The following CKMT2 variants were observed in gnomAD, a reference collection of about 807,000 sequenced individuals.
CKMT2 encodes the protein creatine kinase, mitochondrial 2.
Under a neutral mutation model 48.9 loss-of-function variants are expected in CKMT2, and 43 were observed. The observed-to-expected ratio is 0.88, with a 90% confidence interval of 0.69 to 1.13. CKMT2 has a LOEUF of 1.13. Among genes scored for constraint, CKMT2 ranks in the 50% most tolerant of loss-of-function variants. The pLI, the probability that CKMT2 is intolerant of heterozygous loss-of-function variation, is 0.00. For synonymous variants in CKMT2, 206 were observed against 213.0 expected (o/e 0.97, Z 0.29); for missense variants, 472 against 555.4 (o/e 0.85, Z 1.51).
intron 8 of CKMT2, among the ~76,000 whole-genome samples, chr5:81,261,373 G>C (rs757576537): frequency 9.9e-5 from 15 of 152,198 alleles, no homozygotes; most frequent in Non-Finnish European, 2.1e-4. Context: ...GCAAGAGAAA[G>C]AAAGAAAGGG....
At position 81,258,971 on chromosome 5, in the gene CKMT2, T is replaced by G. The variant is rs149573920; in HGVS notation, c.880-149T>G. On this transcript the variant is annotated intron_variant, in intron 7 of 9. Transcript: ENST00000254035. ...TTTTAATAGTCTGGTAGGAGAGGTA[T>G]TATTTTCTCTTAAAGGAGTACTATA... 4.6e-4 allele frequency: 323 copies of G among 696,392 alleles called. 3 individuals are homozygous for G. In the African/African-American group the frequency reaches 5.1e-3, roughly 11 times the overall value. 43.1% of individuals were successfully genotyped at this position (696,392 alleles called of 1,614,324 possible).
chr5:81,238,485 A>G (rs1756323334), intron 1 of CKMT2: 1 of 152,220 alleles, frequency 6.6e-6, no homozygotes, highest in Non-Finnish European at 1.5e-5. Flanking sequence ...CTAACAGCCC[A>G]CAGACCACAC....
intron 9 of CKMT2, 56 bp downstream of exon 9, chr5:81,263,672 T>C (rs896865298): frequency 3.9e-6 from 6 of 1,524,292 alleles, no homozygotes; most frequent in East Asian, 4.9e-5. Flanking sequence ...TAAGAGAGAA[T>C]AGAGAAAAGC....
At chr5:81,264,079 C>G (rs527479380) in intron 9 of CKMT2, among the ~76,000 whole-genome samples, 1 of 152,264 alleles carries the variant, frequency 6.6e-6, no homozygotes, top group African/African-American at 2.4e-5. Flanking sequence ...TCGATGGTTT[C>G]TAAACTTTTA....
rs753159700 is a variant in CKMT2, at chr5:81,263,609, G to A, written c.1133G>A (p.Arg378Gln). The A allele has an allele frequency of 9.9e-6, 16 of 1,610,710 alleles. No individual in the cohort carries two copies. Among genetic ancestry groups the A allele is most frequent in the Non-Finnish European group, 1.4e-5 (16 of 1,177,958 alleles). Residue 378 changes from arginine (R) to glutamine (Q), a missense_variant, in exon 9 of 10, where the codon CGA becomes CAA. By Grantham distance (43) the Arg-to-Gln change is conservative. Coordinates refer to ENST00000254035, the MANE Select transcript of CKMT2 (RefSeq NM_001099735.2). ...ATTTCCAACATAGATAGAATTGGTC[G>A]ATCAGAGGTAACGTCTCTCTCACTT... ...YDISNIDRIG[R>Q]SEVELVQIVI...
At chr5:81,252,611 G>A (rs1398527740) in intron 2 of CKMT2, 84 bp from the exon 3 acceptor site, 32 of 1,418,390 alleles carry the variant, frequency 2.3e-5, no homozygotes, top group African/African-American at 1.4e-5. Flanking sequence ...GAGCCTAGTG[G>A]AAGGATGGGC....
At chr5:81,261,498 C>T (rs1757222919) in intron 8 of CKMT2, among the ~76,000 whole-genome samples, 1 of 152,182 alleles carries the variant, frequency 6.6e-6, no homozygotes, top group African/African-American at 2.4e-5. Context: ...GCAACTTCAT[C>T]AAAGTCTCAG....
chr5:81,251,399 A>T (rs1192971424), intron 2 of CKMT2, 115 bp downstream of exon 2: 1 of 1,036,152 alleles, frequency 9.7e-7, no homozygotes. Flanking sequence ...CATCCTGGCC[A>T]ACATGGTGAA....
chr5:81,243,721 C>CT (rs1193732076), intron 1 of CKMT2, among the ~76,000 whole-genome samples: 3 of 151,710 alleles, frequency 2.0e-5, no homozygotes, highest in African/African-American at 7.3e-5. Context: ...AGTCAAGTCT[C>CT]TATCACCCAG....
intron 1 of CKMT2, among the ~76,000 whole-genome samples, chr5:81,237,003 G>A (rs974894295): frequency 2.6e-5 from 4 of 152,132 alleles, no homozygotes; most frequent in African/African-American, 9.7e-5. Flanking sequence ...TACAAAATTA[G>A]CCACATGTGG....
chr5:81,242,223 A>T (rs997436221), intron 1 of CKMT2: 2 of 245,112 alleles, frequency 8.2e-6, no homozygotes, highest in Non-Finnish European at 1.6e-5. Flanking sequence ...GGTGGCTTTT[A>T]TTGATAGGAT....
chr5:81,253,870 C>T (rs1386942896), intron 3 of CKMT2, among the ~76,000 whole-genome samples: 1 of 152,174 alleles, frequency 6.6e-6, no homozygotes, highest in Non-Finnish European at 1.5e-5. Flanking sequence ...GGGGAAGGTC[C>T]GCATCGGGTG....
chr5:81,236,845 GAT>G (rs1756259429), intron 1 of CKMT2, among the ~76,000 whole-genome samples: 2 of 152,294 alleles, frequency 1.3e-5, no homozygotes, highest in African/African-American at 4.8e-5. Context: ...TGTCCGCAGA[GAT>G]AGAAAATACA....
Position 81,266,289 on chromosome 5 carries a change from G to A in CKMT2, c.*31G>A. 4 of 1,608,686 alleles carry A rather than the reference G, an allele frequency of 2.5e-6. No individual in the cohort carries two copies. Among genetic ancestry groups the A allele is most frequent in the Non-Finnish European group, 3.4e-6 (4 of 1,176,050 alleles). On this transcript the variant is annotated 3_prime_UTR_variant, in exon 10 of 10. Coordinates refer to ENST00000254035, the MANE Select transcript of CKMT2 (RefSeq NM_001099735.2). Reference sequence around the variant, plus strand: ...CCCTTTCCCAATTTATAAATAATCTGTCTGCTGGTACGACAGACATAAATC... The same window carrying A: ...CCCTTTCCCAATTTATAAATAATCTATCTGCTGGTACGACAGACATAAATC...
rs376640094 is a variant in CKMT2, at chr5:81,257,998, C to CAAGTGATTATCCCGCCTCAGCCTCT, written c.879+144_879+168dup. ...CAAAGCAACTGCCGCCTCCCAGGTT[C>CAAGTGATTATCCCGCCTCAGCCTCT]AAGTGATTATCCCGCCTCAGCCTCT... On this transcript the variant is annotated intron_variant, in intron 7 of 9. Coordinates refer to ENST00000254035, the MANE Select transcript of CKMT2 (RefSeq NM_001099735.2). 6.1e-4 allele frequency: 427 copies of CAAGTGATTATCCCGCCTCAGCCTCT among 700,998 alleles called. 2 individuals are homozygous for CAAGTGATTATCCCGCCTCAGCCTCT. The African/African-American group carries it at 6.4e-3, about 10-fold the overall frequency. The allele number at this position is 700,998 out of a possible 1,614,324, so 43.4% of individuals were successfully genotyped here.
At chr5:81,234,021 TAA>T (rs536455571) in intron 1 of CKMT2, among the ~76,000 whole-genome samples, 30,872 of 91,422 alleles carry the variant, frequency 0.34, 4,363 homozygotes, top group South Asian at 0.35. Flanking sequence ...GGAGGTTAAT[TAA>T]AAAAAAAAAA....
intron 1 of CKMT2, among the ~76,000 whole-genome samples, chr5:81,239,711 C>A (rs2112782051): frequency 6.6e-6 from 1 of 152,256 alleles, no homozygotes; most frequent in South Asian, 2.1e-4. Context: ...GCCAACCATG[C>A]CCTCCCAGGA....
intron 3 of CKMT2, 79 bp downstream of exon 3, chr5:81,252,972 T>A: frequency 6.6e-7 from 1 of 1,510,174 alleles, no homozygotes; most frequent in Non-Finnish European, 9.2e-7. Context: ...GGGGTCCTTT[T>A]CTTCTCTATG....
intron 7 of CKMT2, 104 bp downstream of exon 7, chr5:81,257,960 T>A (rs1026640027): frequency 2.5e-6 from 3 of 1,179,952 alleles, no homozygotes; most frequent in Non-Finnish European, 3.5e-6. Context: ...GGAGCTAATT[T>A]TTTTCTAGAA....
Sources: allele counts gnomAD v4.1 joint callset (sites outside exome capture counted in the v4.1 genomes callset), GRCh38; gene constraint gnomAD v4.1.1; transcripts MANE v1.5; gene names NCBI Gene and HGNC (gene_info 2026-07-23, HGNC 2026-07-21).